Variants in VPS39 observed in about 807,000 individuals in gnomAD.
VPS39 encodes the protein VPS39 subunit of HOPS complex.
In VPS39, 70 loss-of-function variants were observed where a neutral mutation model predicts 121.0. That is an observed-to-expected ratio of 0.58 (90% CI 0.48 to 0.71). The LOEUF is 0.71. VPS39 is among the 30% of genes least tolerant of loss of function. VPS39 has a pLI of 0.00. For missense variants in VPS39, 818 were observed against 1,051.5 expected (o/e 0.78, Z 3.07); for synonymous variants, 378 against 398.1 (o/e 0.95, Z 0.60).
Position 42,166,617 on chromosome 15 carries a change from C to T in VPS39, c.1552G>A (p.Ala518Thr). The T allele has an allele frequency of 6.2e-7, 1 of 1,614,214 alleles. No homozygotes were observed. The highest frequency in any genetic ancestry group is 8.5e-7 in the Non-Finnish European group (1 of 1,180,042). ...LQVLVDQSKK[A>T]NSPLKGHERT... ...TCGTGGCCTTTCAGAGGGGAGTTGG[C>T]TTTCTTGGACTGGTCCACGAGCACC... Residue 518 changes from alanine to threonine, a missense_variant, in exon 15 of 25, where the codon GCC becomes ACC. Ala to Thr is a moderately conservative substitution (Grantham distance 58, BLOSUM62 0). Coordinates refer to ENST00000318006, the MANE Select transcript of VPS39 (RefSeq NM_015289.5).
At chr15:42,205,658 G>A (rs563121428) in intron 1 of VPS39, among the ~76,000 whole-genome samples, 4 of 152,352 alleles carry the variant, frequency 2.6e-5, no homozygotes, top group African/African-American at 4.8e-5. Context: ...GATACCATGA[G>A]AGGGTTTTGA....
chr15:42,162,124 G>T lies in VPS39; in HGVS notation c.2368C>A (p.Arg790Ser), dbSNP rs762512911. Reference sequence around the variant, plus strand: ...TCCAAGACCTTTTCCAGGAAGATGCGTATGTCATTGATCTGAGTGTTTGCT... The same window carrying T: ...TCCAAGACCTTTTCCAGGAAGATGCTTATGTCATTGATCTGAGTGTTTGCT... Reference protein sequence around the residue: ...LPANTQINDIRIFLEKVLEEN... With the variant: ...LPANTQINDISIFLEKVLEEN... Residue 790 changes from arginine (R) to serine (S), a missense_variant, in exon 23 of 25, where the codon CGC (arginine) becomes AGC (serine). Coordinates refer to ENST00000318006, the MANE Select transcript of VPS39 (RefSeq NM_015289.5). 3 of 1,614,178 alleles carry T rather than the reference G, an allele frequency of 1.9e-6. No homozygotes were observed. The highest frequency in any genetic ancestry group is 2.5e-6 in the Non-Finnish European group (3 of 1,180,038).
intron 1 of VPS39, among the ~76,000 whole-genome samples, chr15:42,206,714 G>A (rs1294869536): frequency 1.3e-5 from 2 of 152,130 alleles, no homozygotes; most frequent in Admixed American, 6.5e-5. Flanking sequence ...ATCTGTTCAC[G>A]TGTATTTGTC....
At chr15:42,202,513 C>T (rs1056715199) in intron 1 of VPS39, among the ~76,000 whole-genome samples, 4 of 152,014 alleles carry the variant, frequency 2.6e-5, no homozygotes, top group Admixed American at 1.3e-4. Flanking sequence ...GATTTTTAGG[C>T]CACCCACTGA....
intron 1 of VPS39, among the ~76,000 whole-genome samples, chr15:42,202,999 G>T (rs540981587): frequency 6.6e-6 from 1 of 151,992 alleles, no homozygotes; most frequent in East Asian, 1.9e-4. Context: ...CTTGCCAATA[G>T]ATTTTTTAAT....
intron 8 of VPS39, among the ~76,000 whole-genome samples, chr15:42,181,783 T>C (rs1292476604): frequency 6.6e-6 from 1 of 152,142 alleles, no homozygotes; most frequent in Non-Finnish European, 1.5e-5. Context: ...GATCACGGCT[T>C]ACTGCCGCCT....
At position 42,191,554 on chromosome 15, in the gene VPS39, T is replaced by A; in HGVS notation, c.146A>T (p.Asn49Ile). Reference protein sequence around the residue: ...LYRIRKDVGCNRFEVTLEKSN... With the variant: ...LYRIRKDVGCIRFEVTLEKSN... ...TTTCTCTAGTGTCACTTCAAATCTGTTGCAACCTATGGAAAACAAATAAAC... is the reference window on the plus strand; with the variant it reads ...TTTCTCTAGTGTCACTTCAAATCTGATGCAACCTATGGAAAACAAATAAAC... The change falls in exon 3 of 25, where the codon AAC (asparagine) becomes ATC (isoleucine). Residue 49 changes from asparagine to isoleucine, a missense_variant. Transcript: ENST00000318006. The A allele has an allele frequency of 6.2e-7, 1 of 1,613,852 alleles. No individual in the cohort carries two copies. The highest frequency in any genetic ancestry group is 1.1e-5 in the South Asian group (1 of 91,026).
chr15:42,200,567 G>C (rs913316787), intron 1 of VPS39, among the ~76,000 whole-genome samples: 1 of 152,160 alleles, frequency 6.6e-6, no homozygotes, highest in Non-Finnish European at 1.5e-5. Flanking sequence ...AAGTGTTGAT[G>C]AGAATATAAA....
chr15:42,174,013 C>T (rs1310138472), intron 10 of VPS39, among the ~76,000 whole-genome samples, 161 bp from the exon 11 acceptor site: 5 of 152,046 alleles, frequency 3.3e-5, no homozygotes, highest in Admixed American at 1.3e-4. Flanking sequence ...TTTGGGAGGC[C>T]GAGGCGGGCG....
At chr15:42,207,977 C>T (rs897287049) in intron 1 of VPS39, 104 bp downstream of exon 1, 95 of 1,282,094 alleles carry the variant, frequency 7.4e-5, no homozygotes, top group Non-Finnish European at 1.0e-4. Context: ...TAGCATCCAA[C>T]CGAAGCCCAC....
At chr15:42,179,557 C>A (rs1259714684) in intron 8 of VPS39, among the ~76,000 whole-genome samples, 2 of 144,922 alleles carry the variant, frequency 1.4e-5, no homozygotes, top group South Asian at 4.3e-4. Context: ...GCCTGGGCGA[C>A]AGAGCAAGAC....
At chr15:42,184,746 G>A in intron 7 of VPS39, 46 bp from the exon 8 acceptor site, 6 of 1,539,860 alleles carry the variant, frequency 3.9e-6, no homozygotes, top group Non-Finnish European at 3.5e-6. Flanking sequence ...CCCAGCCAGA[G>A]GTAAGAACAC....
chr15:42,199,109 G>A (rs2050009302), intron 2 of VPS39, among the ~76,000 whole-genome samples: 1 of 151,968 alleles, frequency 6.6e-6, no homozygotes, highest in South Asian at 2.1e-4. Flanking sequence ...TTATATTGAA[G>A]GGTATGAAAT....
chr15:42,183,964 C>G lies in VPS39; in HGVS notation c.718+553G>C, dbSNP rs550016555. Among the ~76,000 whole-genome samples, 4 of 148,624 alleles carry G rather than the reference C, an allele frequency of 2.7e-5. No individual in the cohort carries two copies. In the South Asian group the frequency reaches 6.4e-4, roughly 24 times the overall value. ...CAATTCCATTGTGGAGAGCTGGGAA[C>G]CTGAAGCAAGCATAAGAACAGAAGC... On this transcript the variant is annotated intron_variant, in intron 8 of 24. Coordinates refer to ENST00000318006, the MANE Select transcript of VPS39 (RefSeq NM_015289.5).
chr15:42,194,204 C>T (rs1291700082), intron 2 of VPS39, among the ~76,000 whole-genome samples: 2 of 152,088 alleles, frequency 1.3e-5, no homozygotes, highest in Non-Finnish European at 2.9e-5. Flanking sequence ...GTGGTTCACG[C>T]CTGTAATCCC....
chr15:42,187,366 G>A lies in VPS39; in HGVS notation c.442-3C>T. The A allele has an allele frequency of 6.3e-7, 1 of 1,593,996 alleles. No individual in the cohort carries two copies. The highest frequency in any genetic ancestry group is 8.5e-7 in the Non-Finnish European group (1 of 1,174,378). On this transcript the variant is annotated splice_polypyrimidine_tract_variant and splice_region_variant and intron_variant, in intron 6 of 24. Transcript: ENST00000318006. ...ACATCTGGCACACTAAAGTCCCCCTGAAAAAAGAGAGCAAGGATCTGAATG... is the reference window on the plus strand; with the variant it reads ...ACATCTGGCACACTAAAGTCCCCCTAAAAAAAGAGAGCAAGGATCTGAATG...
At chr15:42,193,937 G>A (rs2049882259) in intron 2 of VPS39, among the ~76,000 whole-genome samples, 1 of 151,130 alleles carries the variant, frequency 6.6e-6, no homozygotes, top group Non-Finnish European at 1.5e-5. Flanking sequence ...AATACTCCCT[G>A]AAAAAAGTAG....
chr15:42,178,074 G>T (rs1595659042), intron 10 of VPS39, 144 bp downstream of exon 10: 1 of 1,033,760 alleles, frequency 9.7e-7, no homozygotes, highest in Non-Finnish European at 1.4e-6. Flanking sequence ...ATATTTTACG[G>T]TGGAGTCAGA....
chr15:42,165,823 G>C lies in VPS39; in HGVS notation c.1681-7C>G. 1 of 1,612,810 alleles carries C rather than the reference G, an allele frequency of 6.2e-7. No individual in the cohort carries two copies. Among genetic ancestry groups the C allele is most frequent in the Non-Finnish European group, 8.5e-7 (1 of 1,178,840 alleles). On this transcript the variant is annotated splice_polypyrimidine_tract_variant and splice_region_variant and intron_variant, in intron 16 of 24. Transcript: ENST00000318006. ...GGAGATCTTCAGTAAATATCTGTTA[G>C]AATGAACCCGAGTTCCAGCAGCAGA...
Sources: allele counts gnomAD v4.1 joint callset (sites outside exome capture counted in the v4.1 genomes callset), GRCh38; gene constraint gnomAD v4.1.1; transcripts MANE v1.5; gene names NCBI Gene and HGNC (gene_info 2026-07-23, HGNC 2026-07-21).